Variants in ZBTB20 observed in about 807,000 individuals in gnomAD.
ZBTB20 encodes the protein zinc finger and BTB domain-containing protein 20.
In ZBTB20, 9 loss-of-function variants were observed where a neutral mutation model predicts 56.9. The observed-to-expected ratio is 0.16, with a 90% CI of 0.10 to 0.28. The LOEUF (loss-of-function observed/expected upper bound fraction) is 0.28, where lower values mean the gene tolerates loss of function less well. Among genes scored for constraint, ZBTB20 ranks in the 10% least tolerant of loss-of-function variants. ZBTB20 has a pLI of 1.00. For missense variants in ZBTB20, 655 were observed against 1,003.0 expected, an observed-to-expected ratio of 0.65 and a Z score of 4.69; for synonymous variants, 417 against 420.7, an observed-to-expected ratio of 0.99 and a Z score of 0.11.
chr3:114,892,920 A>G (rs943172359), intron 4 of ZBTB20, among the ~76,000 whole-genome samples: 1 of 152,198 alleles, frequency 6.6e-6, no homozygotes, highest in Non-Finnish European at 1.5e-5. Context: ...TATTCACTTT[A>G]AAATTAAAAA....
chr3:114,761,622 G>C (rs897803985), intron 5 of ZBTB20, among the ~76,000 whole-genome samples: 6 of 152,096 alleles, frequency 3.9e-5, no homozygotes, highest in Non-Finnish European at 7.4e-5. Flanking sequence ...ATCACCTGAA[G>C]TCAGGAGTTC....
intron 1 of ZBTB20, among the ~76,000 whole-genome samples, chr3:115,073,207 A>G (rs2082473828): frequency 6.6e-6 from 1 of 152,196 alleles, no homozygotes; most frequent in African/African-American, 2.4e-5. Context: ...TAAGAAAAGC[A>G]TTGCTTCCTC....
At chr3:115,037,798 G>A (rs913700426) in intron 2 of ZBTB20, among the ~76,000 whole-genome samples, 2 of 152,150 alleles carry the variant, frequency 1.3e-5, no homozygotes, top group South Asian at 4.1e-4. Flanking sequence ...TAATTGATAG[G>A]TGAAGATGAG....
chr3:114,769,089 A>AT (rs1018294924), intron 5 of ZBTB20, among the ~76,000 whole-genome samples: 1 of 152,168 alleles, frequency 6.6e-6, no homozygotes, highest in Non-Finnish European at 1.5e-5. Flanking sequence ...GCAAATAGAT[A>AT]TTTTTGAACG....
chr3:114,532,995 G>A (rs748094998), intron 6 of ZBTB20, among the ~76,000 whole-genome samples: 14 of 152,070 alleles, frequency 9.2e-5, no homozygotes, highest in Non-Finnish European at 1.3e-4. Flanking sequence ...GATCACCAGC[G>A]TCAAAGACCA....
At chr3:114,699,079 G>A (rs2063234247) in intron 5 of ZBTB20, among the ~76,000 whole-genome samples, 1 of 152,080 alleles carries the variant, frequency 6.6e-6, no homozygotes, top group African/African-American at 2.4e-5. Context: ...CAGTTATTTA[G>A]GGGTCAGTTG....
intron 7 of ZBTB20, among the ~76,000 whole-genome samples, chr3:114,457,924 A>T (rs967557842): frequency 6.6e-6 from 1 of 152,032 alleles, no homozygotes; most frequent in Admixed American, 6.6e-5. Flanking sequence ...ATAAGCAAAT[A>T]AAAAAAACAC....
intron 5 of ZBTB20, among the ~76,000 whole-genome samples, chr3:114,725,497 G>A (rs1427509586): frequency 2.0e-5 from 3 of 152,260 alleles, no homozygotes; most frequent in South Asian, 2.1e-4. Context: ...TTTTCAAAAC[G>A]CATTAATCGA....
chr3:114,780,663 T>C (rs1004025772), intron 5 of ZBTB20, among the ~76,000 whole-genome samples: 1 of 152,146 alleles, frequency 6.6e-6, no homozygotes, highest in African/African-American at 2.4e-5. Context: ...AATTTTTGTA[T>C]TTTTAGTATA....
Position 114,761,894 on chromosome 3 carries a change from C to G in ZBTB20, c.-343+39207G>C, listed in dbSNP as rs151236473. On this transcript the variant is annotated intron_variant, in intron 5 of 11. Transcript: ENST00000675478. ...ATGCTTAATGTGCATAGCACAAAAT[C>G]TAGCCCAGAATAGGTGTAAAATATA... Among the ~76,000 whole-genome samples, 441 of 151,646 alleles carry G rather than the reference C, an allele frequency of 2.9e-3. 2 individuals are homozygous for G. The highest frequency in any genetic ancestry group is 9.4e-3 in the African/African-American group (389 of 41,462).
intron 2 of ZBTB20, among the ~76,000 whole-genome samples, chr3:115,006,889 T>A (rs890979813): frequency 1.2e-4 from 18 of 151,848 alleles, no homozygotes; most frequent in Admixed American, 1.2e-3. Flanking sequence ...TAGATATTCA[T>A]TTGAAATCTT....
intron 5 of ZBTB20, among the ~76,000 whole-genome samples, chr3:114,784,615 TTA>T (rs2070358484): frequency 6.6e-6 from 1 of 152,184 alleles, no homozygotes; most frequent in African/African-American, 2.4e-5. Flanking sequence ...TGCTCTGTGT[TTA>T]AGTTAATCAA....
intron 2 of ZBTB20, among the ~76,000 whole-genome samples, chr3:115,023,855 A>G (rs572594932): frequency 1.3e-5 from 2 of 151,260 alleles, no homozygotes; most frequent in South Asian, 4.1e-4. Context: ...ACTTCCAAGC[A>G]TAACTAGTTC....
At chr3:114,532,204 C>G (rs565892829) in intron 6 of ZBTB20, among the ~76,000 whole-genome samples, 1 of 152,196 alleles carries the variant, frequency 6.6e-6, no homozygotes, top group Non-Finnish European at 1.5e-5. Context: ...GTGGATCCCA[C>G]CCCCATGGAG....
chr3:114,823,231 G>C (rs1484108812), intron 4 of ZBTB20, among the ~76,000 whole-genome samples: 1 of 152,058 alleles, frequency 6.6e-6, no homozygotes, highest in Admixed American at 6.6e-5. Context: ...CCATTGAAAT[G>C]TGGCCACCTG....
chr3:114,370,779 T>A (rs1448645959), intron 10 of ZBTB20, among the ~76,000 whole-genome samples: 2 of 152,240 alleles, frequency 1.3e-5, no homozygotes, highest in Non-Finnish European at 2.9e-5. Flanking sequence ...TTGTCTCCAC[T>A]GGGAACACCT....
intron 5 of ZBTB20, among the ~76,000 whole-genome samples, chr3:114,772,091 C>T (rs2069249233): frequency 6.6e-6 from 1 of 152,154 alleles, no homozygotes; most frequent in East Asian, 1.9e-4. Flanking sequence ...TTAGTAATCC[C>T]CACTTTCGGA....
chr3:114,330,253 C>T lies in ZBTB20; in HGVS notation c.*8752G>A, dbSNP rs2079202605. 6.6e-6 allele frequency: 1 copy of T among 152,112 alleles called. No homozygotes were observed. Among genetic ancestry groups the T allele is most frequent in the Non-Finnish European group, 1.5e-5 (1 of 68,018 alleles). The allele number at this position is 152,112 out of a possible 1,614,324, so 9.4% of individuals were successfully genotyped here. ...ATAATATAAAAAGCAAATTAGAGCACTAATGATTATTACTAGATGCACCAG... is the reference window on the plus strand; with the variant it reads ...ATAATATAAAAAGCAAATTAGAGCATTAATGATTATTACTAGATGCACCAG... On this transcript the variant is annotated 3_prime_UTR_variant, in exon 12 of 12. Transcript: ENST00000675478.
chr3:114,756,457 C>G (rs2068017392), intron 5 of ZBTB20, among the ~76,000 whole-genome samples: 1 of 152,128 alleles, frequency 6.6e-6, no homozygotes. Context: ...TTCGATTACA[C>G]ACACAAAAAA....
Sources: gnomAD v4.1 joint callset for allele counts (sites outside exome capture counted in the v4.1 genomes callset) on GRCh38, gnomAD v4.1.1 for gene constraint, MANE v1.5 for transcripts, NCBI Gene and HGNC (gene_info 2026-07-23, HGNC 2026-07-21) for gene names.